Variants in SASH1 observed in about 807,000 individuals in gnomAD.
SASH1 encodes SAM and SH3 domain containing 1.
In SASH1, 44 loss-of-function variants were observed where a neutral mutation model predicts 125.2. That is an observed-to-expected ratio of 0.35 (90% confidence interval 0.28 to 0.45). The LOEUF (loss-of-function observed/expected upper bound fraction) is 0.45. SASH1 is among the 20% of genes least tolerant of loss of function. The pLI, the probability that SASH1 is intolerant of heterozygous loss-of-function variation, is 1.00. For missense variants in SASH1, 1,426 were observed against 1,614.5 expected (o/e 0.88, Z 2.00); for synonymous variants, 639 against 649.1 (o/e 0.98, Z 0.24).
chr6:148,457,060 CA>C (rs111593911), intron 4 of SASH1, among the ~76,000 whole-genome samples: 14,863 of 105,430 alleles, frequency 0.14, 766 homozygotes, highest in Middle Eastern at 0.19. Context: ...TTCCTTAAGA[CA>C]AAAAAAAAAA....
the SASH1 span, among the ~76,000 whole-genome samples, chr6:148,205,028 G>T: frequency 6.6e-6 from 1 of 152,264 alleles, no homozygotes; most frequent in Non-Finnish European, 1.5e-5. Flanking sequence ...GCTTTGTCCT[G>T]TTCTCCTCAC....
chr6:148,335,997 A>C (rs1458468175), intron 1 of SASH1, among the ~76,000 whole-genome samples: 1 of 152,132 alleles, frequency 6.6e-6, no homozygotes, highest in Non-Finnish European at 1.5e-5. Flanking sequence ...GATGAATTAT[A>C]ATTTATCAAG....
At chr6:148,303,535 G>A (rs1421067849) in intron 1 of SASH1, among the ~76,000 whole-genome samples, 2 of 152,166 alleles carry the variant, frequency 1.3e-5, no homozygotes, top group South Asian at 2.1e-4. Flanking sequence ...AGTGGCTCAC[G>A]CCTGTAATCC....
chr6:148,246,760 T>C, the SASH1 span, among the ~76,000 whole-genome samples: 2 of 152,220 alleles, frequency 1.3e-5, no homozygotes, highest in Non-Finnish European at 1.5e-5. Flanking sequence ...ACTTTTGCAA[T>C]GAAAAAGTAA....
chr6:148,440,292 ACT>A, intron 3 of SASH1, 58 bp downstream of exon 3: 8 of 1,608,004 alleles, frequency 5.0e-6, no homozygotes, highest in South Asian at 1.1e-5. Context: ...TTTAAGTGAC[ACT>A]CTGTACAAAT....
At chr6:148,536,685 C>T (rs1018508061) in intron 16 of SASH1, among the ~76,000 whole-genome samples, 4 of 152,198 alleles carry the variant, frequency 2.6e-5, no homozygotes, top group Non-Finnish European at 4.4e-5. Context: ...CTTTATCATC[C>T]ACAGCTTTGG....
At chr6:148,315,273 T>G (rs1003495363) in intron 1 of SASH1, among the ~76,000 whole-genome samples, 1 of 152,204 alleles carries the variant, frequency 6.6e-6, no homozygotes, top group African/African-American at 2.4e-5. Context: ...ATGTTTTTAT[T>G]GATCATTTGC....
At chr6:148,543,656 G>A (rs775712999) in intron 17 of SASH1, 24 bp from the exon 18 acceptor site, 5 of 1,511,852 alleles carry the variant, frequency 3.3e-6, no homozygotes, top group Admixed American at 4.5e-5. Context: ...AAATGTGATT[G>A]TAAAATATTC....
intron 1 of SASH1, among the ~76,000 whole-genome samples, chr6:148,387,447 C>A (rs1417547351): frequency 6.6e-6 from 1 of 151,430 alleles, no homozygotes; most frequent in East Asian, 1.9e-4. Context: ...CTTCTCTTCT[C>A]TTCCCTTTTC....
At position 148,531,665 on chromosome 6, in the gene SASH1, A is replaced by G; in HGVS notation, c.1564+4A>G. 6.6e-7 allele frequency: 1 copy of G among 1,516,926 alleles called. No individual in the cohort carries two copies. The allele number at this position is 1,516,926 out of a possible 1,614,324, so 94.0% of individuals were successfully genotyped here. ...CTCAGTGGGCAGAGCTCCATGAGTAAGTCGAGTTTGTCATTGTAGATTATT... is the reference window on the plus strand; with the variant it reads ...CTCAGTGGGCAGAGCTCCATGAGTAGGTCGAGTTTGTCATTGTAGATTATT... On this transcript the variant is annotated splice_donor_region_variant and intron_variant, in intron 13 of 19. Coordinates refer to ENST00000367467, the MANE Select transcript of SASH1 (RefSeq NM_015278.5).
chr6:148,519,740 A>G lies in SASH1; in HGVS notation c.1056A>G (p.Lys352=). The change falls in exon 10 of 20, where the codon AAA becomes AAG. Residue 352 remains lysine, a synonymous_variant. Coordinates refer to ENST00000367467, the MANE Select transcript of SASH1 (RefSeq NM_015278.5). This position sits in a 1 kb window ranked among gnomAD's most constrained non-coding sequence, Gnocchi z 4.8. ...GGGGGGCTGGCCGGAAGTTGGTCAA[A>G]ACCTTCAGCAAAGGAGAGAGCCGGG... ...DTWGAGRKLV[K]TFSKGESRGL... is the part of the protein sequence containing the mutation. The G allele has an allele frequency of 6.2e-7, 1 of 1,614,058 alleles. No homozygotes were observed. Among genetic ancestry groups the G allele is most frequent in the Non-Finnish European group, 8.5e-7 (1 of 1,180,016 alleles).
At chr6:148,414,566 T>C (rs1784746416) in intron 2 of SASH1, among the ~76,000 whole-genome samples, 1 of 152,210 alleles carries the variant, frequency 6.6e-6, no homozygotes, top group Non-Finnish European at 1.5e-5. Flanking sequence ...CACATACTTA[T>C]TGAATGCCTA....
At chr6:148,243,205 C>G in the SASH1 span, among the ~76,000 whole-genome samples, 1 of 152,048 alleles carries the variant, frequency 6.6e-6, no homozygotes, top group Admixed American at 6.6e-5. Flanking sequence ...AATCCCAGCA[C>G]TTTGGGAGGC....
chr6:148,322,991 T>TTC (rs1185804560), intron 1 of SASH1, among the ~76,000 whole-genome samples: 18 of 126,730 alleles, frequency 1.4e-4, no homozygotes, highest in African/African-American at 4.0e-4. Flanking sequence ...CCCTTTCTCT[T>TTC]TCTCTCTCTC....
intron 9 of SASH1, among the ~76,000 whole-genome samples, chr6:148,518,925 G>A (rs1272396281): frequency 6.6e-6 from 1 of 152,146 alleles, no homozygotes; most frequent in African/African-American, 2.4e-5. Context: ...TGAGTTGATG[G>A]GAGTATCTGG....
chr6:148,425,300 T>C (rs1204235062), intron 2 of SASH1, among the ~76,000 whole-genome samples: 2 of 152,222 alleles, frequency 1.3e-5, no homozygotes, highest in African/African-American at 4.8e-5. Flanking sequence ...TGTTATGTTT[T>C]CATAAGAGAT....
chr6:148,349,378 C>T (rs1346671803), intron 1 of SASH1, among the ~76,000 whole-genome samples: 1 of 149,338 alleles, frequency 6.7e-6, no homozygotes. Flanking sequence ...ATTCTCCTGC[C>T]TCAGCCTCCC....
In SASH1 at chr6:148,445,106, C is replaced by T. The variant is rs545390628; in HGVS notation, c.386+4699C>T. On this transcript the variant is annotated intron_variant, in intron 4 of 19. Coordinates refer to ENST00000367467, the MANE Select transcript of SASH1 (RefSeq NM_015278.5). ...ACATATAATGAGCAGTGAGGATGACCAGAGGTCACTTTCATCGCCATCTTG... is the reference window on the plus strand; with the variant it reads ...ACATATAATGAGCAGTGAGGATGACTAGAGGTCACTTTCATCGCCATCTTG... 5.9e-5 allele frequency among the ~76,000 whole-genome samples: 9 copies of T among 152,256 alleles called. No homozygotes were observed. The South Asian group carries it at 1.9e-3, about 32-fold the overall frequency.
intron 1 of SASH1, among the ~76,000 whole-genome samples, chr6:148,317,187 A>T (rs1428644850): frequency 6.6e-6 from 1 of 152,204 alleles, no homozygotes; most frequent in Non-Finnish European, 1.5e-5. Context: ...TACTGACCAA[A>T]GGCTAAATAC....
Sources: gnomAD v4.1 joint callset for allele counts (sites outside exome capture counted in the v4.1 genomes callset) on GRCh38, gnomAD v4.1.1 for gene constraint, Gnocchi (gnomAD v3.1) non-coding constraint, MANE v1.5 for transcripts, NCBI Gene and HGNC (gene_info 2026-07-23, HGNC 2026-07-21) for gene names.